Variants in TPRA1 observed in about 807,000 individuals in gnomAD.
TPRA1 encodes transmembrane protein adipocyte-associated 1.
TPRA1 carries 28 observed loss-of-function variants against 40.1 expected under a neutral mutation model. That is an observed-to-expected ratio of 0.70 (90% CI 0.52 to 0.96). The LOEUF is 0.96. TPRA1 is among the 40% of genes least tolerant of loss of function. The pLI is 0.00. For synonymous variants in TPRA1, 219 were observed against 209.7 expected (o/e 1.04, Z -0.38); for missense variants, 441 against 482.6 (o/e 0.91, Z 0.81).
intron 3 of TPRA1, 106 bp downstream of exon 3, chr3:127,579,634 C>T: frequency 7.7e-7 from 1 of 1,293,996 alleles, no homozygotes; most frequent in Admixed American, 2.1e-5. Context: ...ATTTAACTGC[C>T]TGGATCCAGC....
intron 1 of TPRA1, among the ~76,000 whole-genome samples, chr3:127,586,545 G>C (rs150189128): frequency 3.0e-4 from 46 of 152,326 alleles, no homozygotes; most frequent in African/African-American, 1.1e-3. Flanking sequence ...TTTTAGTAGA[G>C]ACAGGGTTTT....
At chr3:127,592,407 C>A (rs888275305), upstream of TPRA1, among the ~76,000 whole-genome samples, 3 of 111,968 alleles carry the variant, frequency 2.7e-5, no homozygotes, top group African/African-American at 1.0e-4. Flanking sequence ...GAGACGGAGT[C>A]TCGCTCTGTC....
At chr3:127,585,717 G>A (rs910330963) in intron 1 of TPRA1, among the ~76,000 whole-genome samples, 3 of 152,168 alleles carry the variant, frequency 2.0e-5, no homozygotes, top group African/African-American at 4.8e-5. Flanking sequence ...GGCCAACACT[G>A]ACCACCAGAC....
At chr3:127,577,691 C>A (rs1198021305) in intron 3 of TPRA1, among the ~76,000 whole-genome samples, 8 of 152,108 alleles carry the variant, frequency 5.3e-5, no homozygotes. Context: ...ATCTGTGGTG[C>A]TTATCGGCCT....
upstream of TPRA1, among the ~76,000 whole-genome samples, chr3:127,594,029 C>G (rs189846733): frequency 6.6e-6 from 1 of 152,348 alleles, no homozygotes; most frequent in East Asian, 1.9e-4. Context: ...TGACAATGTG[C>G]TAATCAGGAT....
In TPRA1 at chr3:127,576,096, T is replaced by TTC; in HGVS notation, c.499-48_499-47dup. 1.4e-6 allele frequency: 2 copies of TTC among 1,479,364 alleles called. No homozygotes were observed. Among genetic ancestry groups the TTC allele is most frequent in the Non-Finnish European group, 9.4e-7 (1 of 1,062,998 alleles). 91.6% of individuals were successfully genotyped at this position (1,479,364 alleles called of 1,614,324 possible). On this transcript the variant is annotated intron_variant, in intron 6 of 10. Coordinates refer to ENST00000355552, the MANE Select transcript of TPRA1 (RefSeq NM_001136053.4). This position sits in a 1 kb window ranked among gnomAD's most constrained non-coding sequence, Gnocchi z 4.6. The stretch of plus-strand genomic sequence containing the variant: ...GGAGGAAGGGAGAGGATCTCAAGGC[T>TTC]TCTCTCTCCCAGGGGCTTTCCCTGA...
intron 1 of TPRA1, among the ~76,000 whole-genome samples, chr3:127,584,374 C>T (rs2073932478): frequency 7.2e-6 from 1 of 138,584 alleles, no homozygotes; most frequent in Admixed American, 8.2e-5. Context: ...CCCAGGAGCT[C>T]CAGGCAGCAG....
chr3:127,585,933 T>C (rs954512917), intron 1 of TPRA1, among the ~76,000 whole-genome samples: 4 of 152,206 alleles, frequency 2.6e-5, no homozygotes, highest in African/African-American at 9.7e-5. Flanking sequence ...TGGATTTTTT[T>C]GTGTGCAGGG....
Position 127,580,056 on chromosome 3 carries a change from G to A in TPRA1, c.91C>T (p.Leu31=). 1 of 1,613,936 alleles carries A rather than the reference G, an allele frequency of 6.2e-7. No individual in the cohort carries two copies. The highest frequency in any genetic ancestry group is 1.1e-5 in the South Asian group (1 of 91,082). ...CCAATGTCTTCGTAGAGCAGCAGCAGGCAGCGATGAGGCACACTGATGTTT... is the reference window on the plus strand; with the variant it reads ...CCAATGTCTTCGTAGAGCAGCAGCAAGCAGCGATGAGGCACACTGATGTTT... ...APNISVPHRC[L]LLLYEDIGTS... The change falls in exon 2 of 11, where the codon CTG becomes TTG. Residue 31 remains leucine, a synonymous_variant. Coordinates refer to ENST00000355552, the MANE Select transcript of TPRA1 (RefSeq NM_001136053.4).
chr3:127,584,359 T>C lies in TPRA1; in HGVS notation c.-17-4196A>G, dbSNP rs560239764. ...GGTGGGGCCGAGGTGGAAGGATCACTTGAGCCCAGGAGCTCCAGGCAGCAG... is the reference window on the plus strand; with the variant it reads ...GGTGGGGCCGAGGTGGAAGGATCACCTGAGCCCAGGAGCTCCAGGCAGCAG... On this transcript the variant is annotated intron_variant, in intron 1 of 10. Transcript: ENST00000355552. 6.4e-4 allele frequency among the ~76,000 whole-genome samples: 91 copies of C among 142,580 alleles called. 3 individuals carry two copies. The highest frequency in any genetic ancestry group is 3.8e-3 in the Middle Eastern group (1 of 262). 93.5% of individuals were successfully genotyped at this position (142,580 alleles called of 152,430 possible). A position where few individuals can be genotyped will look rare whatever the true frequency, so the allele number is the denominator to read the frequency against.
intron 1 of TPRA1, among the ~76,000 whole-genome samples, chr3:127,582,206 C>A (rs1467242247): frequency 1.3e-5 from 2 of 152,154 alleles, no homozygotes; most frequent in Non-Finnish European, 2.9e-5. Flanking sequence ...AGGGGGCGGG[C>A]CATGGGCTGG....
chr3:127,595,663 T>G (rs1480707719), upstream of TPRA1: 1 of 152,270 alleles, frequency 6.6e-6, no homozygotes, highest in Non-Finnish European at 1.5e-5. Flanking sequence ...TCCTTCAGTG[T>G]GGGCCGGACC....
At chr3:127,583,370 T>C (rs1292130650) in intron 1 of TPRA1, among the ~76,000 whole-genome samples, 1 of 151,434 alleles carries the variant, frequency 6.6e-6, no homozygotes, top group African/African-American at 2.4e-5. Flanking sequence ...TAGTGGTGCA[T>C]ACCTGTAGTC....
At position 127,576,798 on chromosome 3, in the gene TPRA1, C is replaced by T; in HGVS notation, c.418+23G>A. 2.5e-6 allele frequency: 4 copies of T among 1,613,822 alleles called. No homozygotes were observed. The highest frequency in any genetic ancestry group is 3.4e-6 in the Non-Finnish European group (4 of 1,179,970). The stretch of plus-strand genomic sequence containing the variant: ...GGCAGGGGAGAGCATCGCCAGGGCC[C>T]AAGAGCCCAGCGGTACACACACCAA... On this transcript the variant is annotated intron_variant, in intron 5 of 10. Coordinates refer to ENST00000355552, the MANE Select transcript of TPRA1 (RefSeq NM_001136053.4). The surrounding 1 kb of genome is among the most constrained non-coding windows in gnomAD (Gnocchi z 4.6).
chr3:127,583,672 C>T (rs2107649686), intron 1 of TPRA1, among the ~76,000 whole-genome samples: 1 of 151,260 alleles, frequency 6.6e-6, no homozygotes, highest in East Asian at 1.9e-4. Context: ...TTCATTCACA[C>T]ATGCTTTTTT....
At position 127,580,150 on chromosome 3, in the gene TPRA1, G is replaced by C; in HGVS notation, c.-4C>G. On this transcript the variant is annotated 5_prime_UTR_variant, in exon 2 of 11. Transcript: ENST00000355552. ...TCACCTCCTCCAGGGTGTCCATCCC[G>C]CCAGCAGCCAGCCCTGGGGGAGTGA... The C allele has an allele frequency of 6.2e-7, 1 of 1,611,112 alleles. No homozygotes were observed. Among genetic ancestry groups the C allele is most frequent in the African/African-American group, 1.3e-5 (1 of 75,030 alleles).
upstream of TPRA1, among the ~76,000 whole-genome samples, chr3:127,592,327 G>T (rs950602971): frequency 6.6e-6 from 1 of 151,000 alleles, no homozygotes; most frequent in Non-Finnish European, 1.5e-5. Context: ...CCCTGCGAGC[G>T]CGCCGACACA....
intron 1 of TPRA1, among the ~76,000 whole-genome samples, chr3:127,582,774 G>A (rs1359055693): frequency 2.0e-5 from 3 of 151,872 alleles, no homozygotes; most frequent in Non-Finnish European, 4.4e-5. Context: ...GCTGAGGTAG[G>A]TGGATCACCT....
At chr3:127,580,940 G>C (rs1020021076) in intron 1 of TPRA1, among the ~76,000 whole-genome samples, 1 of 152,236 alleles carries the variant, frequency 6.6e-6, no homozygotes, top group African/African-American at 2.4e-5. Flanking sequence ...CAGGGACAGG[G>C]TGGGTCCATA....
Sources: gnomAD v4.1 joint callset for allele counts (sites outside exome capture counted in the v4.1 genomes callset) on GRCh38, gnomAD v4.1.1 for gene constraint, Gnocchi (gnomAD v3.1) non-coding constraint, MANE v1.5 for transcripts, NCBI Gene and HGNC (gene_info 2026-07-23, HGNC 2026-07-21) for gene names.